PTPN22: variants seen among roughly 807,000 people sequenced by gnomAD.
PTPN22 encodes the protein protein tyrosine phosphatase non-receptor type 22.
PTPN22 carries 85 observed loss-of-function variants against 103.3 expected under a neutral mutation model. The observed-to-expected ratio is 0.82, with a 90% CI of 0.69 to 0.99. The LOEUF is 0.99. PTPN22 is among the 50% of genes least tolerant of loss of function. PTPN22 has a pLI of 0.00. For synonymous variants in PTPN22, 323 were observed against 310.2 expected, an observed-to-expected ratio of 1.04 and a Z score of -0.43; for missense variants, 865 against 936.9, an observed-to-expected ratio of 0.92 and a Z score of 1.00.
intron 1 of PTPN22, among the ~76,000 whole-genome samples, chr1:113,866,992 TCGTCTCAGCC>T (rs1213786395): frequency 6.6e-6 from 1 of 152,124 alleles, no homozygotes; most frequent in Non-Finnish European, 1.5e-5. Context: ...AGCCATCTGC[TCGTCTCAGCC>T]TCTCAAAGTG....
At chr1:113,826,763 G>A (rs1357864764) in intron 18 of PTPN22, among the ~76,000 whole-genome samples, 3 of 137,238 alleles carry the variant, frequency 2.2e-5, no homozygotes, top group Admixed American at 7.7e-5. Context: ...TCCGCCTCCC[G>A]GGTTCACGCC....
At chr1:113,854,755 T>C in intron 8 of PTPN22, 152 bp downstream of exon 8, 1 of 1,109,886 alleles carries the variant, frequency 9.0e-7, no homozygotes, top group Non-Finnish European at 1.3e-6. Context: ...TACTCACAAG[T>C]AACTTATCAG....
rs371865329 is a variant in PTPN22 at position 113,838,357 on chromosome 1, AT to A, written c.1042del (p.Ile348SerfsTer14). The A allele has an allele frequency of 6.5e-5, 104 of 1,597,642 alleles. No individual in the cohort carries two copies. Among genetic ancestry groups the A allele is most frequent in the Non-Finnish European group, 8.5e-5 (100 of 1,174,220 alleles). ...AAAGTCAAAGGAAGAAGATTCTTTG[AT>A]TTCCATTTTTGTCCTTTGTTGGTTC... On this transcript the variant is annotated frameshift_variant, in exon 13 of 21. Transcript: ENST00000359785. LOFTEE classifies it high-confidence loss of function.
At chr1:113,860,910 A>G (rs1665525975) in intron 1 of PTPN22, among the ~76,000 whole-genome samples, 1 of 152,216 alleles carries the variant, frequency 6.6e-6, no homozygotes, top group Non-Finnish European at 1.5e-5. Context: ...CCCTTTGCGT[A>G]AGATATCCTT....
intron 1 of PTPN22, among the ~76,000 whole-genome samples, chr1:113,860,178 T>C (rs1665443773): frequency 1.3e-5 from 2 of 152,118 alleles, no homozygotes; most frequent in African/African-American, 2.4e-5. Context: ...AGAAGGGATT[T>C]CACCATGTTG....
chr1:113,868,949 C>T (rs182269351), intron 1 of PTPN22, among the ~76,000 whole-genome samples: 311 of 151,970 alleles, frequency 2.0e-3, no homozygotes, highest in Non-Finnish European at 3.6e-3. Flanking sequence ...TTTGGCTGGG[C>T]GTGGTGGCTC....
At chr1:113,839,537 T>C (rs1450657883) in intron 11 of PTPN22, among the ~76,000 whole-genome samples, 1 of 152,094 alleles carries the variant, frequency 6.6e-6, no homozygotes, top group African/African-American at 2.4e-5. Context: ...TTATAGCAAT[T>C]ATCATATTAT....
At chr1:113,846,992 A>ATTTTTTTT (rs778146828) in intron 11 of PTPN22, among the ~76,000 whole-genome samples, 4 of 76,116 alleles carry the variant, frequency 5.3e-5, no homozygotes, top group Middle Eastern at 0.011. Flanking sequence ...CCAATGCTAG[A>ATTTTTTTT]TTTTTTTTTT....
At chr1:113,853,336 A>C (rs1383361370) in intron 9 of PTPN22, among the ~76,000 whole-genome samples, 4 of 151,370 alleles carry the variant, frequency 2.6e-5, no homozygotes, top group African/African-American at 9.7e-5. Context: ...TGTGATTTTA[A>C]ATTTTCTTTT....
intron 19 of PTPN22, among the ~76,000 whole-genome samples, chr1:113,823,734 C>T (rs187459237): frequency 6.6e-6 from 1 of 152,354 alleles, no homozygotes; most frequent in East Asian, 1.9e-4. Context: ...ATTTAAGTCA[C>T]TCATTTCTTT....
At chr1:113,816,995 GA>G (rs912846696) in intron 20 of PTPN22, among the ~76,000 whole-genome samples, 2 of 151,430 alleles carry the variant, frequency 1.3e-5, no homozygotes, top group Admixed American at 6.6e-5. Flanking sequence ...GAAGATTCAA[GA>G]AAAAAAAGCA....
chr1:113,836,527 A>T (rs1363705337), intron 13 of PTPN22, among the ~76,000 whole-genome samples: 1 of 152,214 alleles, frequency 6.6e-6, no homozygotes, highest in Non-Finnish European at 1.5e-5. Flanking sequence ...AATTTTTAGC[A>T]ATATGTTCAA....
intron 20 of PTPN22, among the ~76,000 whole-genome samples, chr1:113,816,181 C>T (rs574628696): frequency 2.6e-5 from 4 of 152,102 alleles, no homozygotes; most frequent in South Asian, 4.2e-4. Flanking sequence ...GTGTAAAAAG[C>T]GAATGGGGCA....
intron 5 of PTPN22, 179 bp downstream of exon 5, chr1:113,857,559 T>C (rs2102116541): frequency 5.5e-6 from 3 of 542,422 alleles, no homozygotes; most frequent in Non-Finnish European, 9.8e-6. Context: ...AACAAACAAA[T>C]AGGATTCTTA....
At chr1:113,843,437 G>A (rs6658523) in intron 11 of PTPN22, among the ~76,000 whole-genome samples, 23,637 of 152,066 alleles carry the variant, frequency 0.16, 2,088 homozygotes, top group East Asian at 0.23. Flanking sequence ...GACACAAAAG[G>A]ACAAATACTA....
intron 18 of PTPN22, among the ~76,000 whole-genome samples, chr1:113,828,082 C>G (rs915159451): frequency 1.3e-5 from 2 of 152,000 alleles, no homozygotes; most frequent in Non-Finnish European, 2.9e-5. Flanking sequence ...CTATTTTTGC[C>G]CATTTTTATT....
At chr1:113,826,185 A>G (rs568483578) in intron 18 of PTPN22, among the ~76,000 whole-genome samples, 13 of 152,120 alleles carry the variant, frequency 8.5e-5, no homozygotes, top group Non-Finnish European at 1.3e-4. Context: ...CATCCCTACC[A>G]AAAATTTTAA....
rs1414340050 is a variant in PTPN22 at position 113,848,644 on chromosome 1, C to G, written c.829-18G>C. ...TATTGTTCCTGAAGAGCATCACAAC[C>G]CAGAACAAATGAAAACAAAAACAAA... On this transcript the variant is annotated intron_variant, in intron 10 of 20. Coordinates refer to ENST00000359785, the Ensembl canonical transcript of PTPN22. 4 of 1,595,082 alleles carry G rather than the reference C, an allele frequency of 2.5e-6. No individual in the cohort carries two copies. The South Asian group carries it at 3.4e-5, about 14-fold the overall frequency.
Position 113,848,597 on chromosome 1 carries a change from T to C in PTPN22, c.858A>G (p.Val286=), listed in dbSNP as rs145370775. The change falls in exon 11 of 21, where the codon GTA becomes GTG. Residue 286 remains valine, a synonymous_variant. Coordinates refer to ENST00000359785, the Ensembl canonical transcript of PTPN22. The stretch of plus-strand genomic sequence containing the variant: ...CCATCTGTCTCTTAAATAGTTCTAA[T>C]ACAGCATTGTAGACCAGTTCATATT... The C allele has an allele frequency of 4.2e-4, 684 of 1,613,490 alleles. 1 individual carries two copies. Among genetic ancestry groups the C allele is most frequent in the Middle Eastern group, 4.9e-4 (3 of 6,076 alleles).
Sources: allele counts gnomAD v4.1 joint callset (sites outside exome capture counted in the v4.1 genomes callset), GRCh38; gene constraint gnomAD v4.1.1; transcripts MANE v1.5; gene names NCBI Gene and HGNC (gene_info 2026-07-23, HGNC 2026-07-21).